The following MAGI1 variants were observed in gnomAD, a reference collection of about 807,000 sequenced individuals.
The protein encoded by MAGI1 is membrane-associated guanylate kinase, WW and PDZ domain-containing protein 1.
MAGI1 carries 58 observed loss-of-function variants against 139.9 expected under a neutral mutation model. That is an observed-to-expected ratio of 0.41 (90% CI 0.34 to 0.52). The LOEUF is 0.52. MAGI1 is among the 20% of genes least tolerant of loss of function. MAGI1 has a pLI of 0.12. For synonymous variants in MAGI1, 812 were observed against 737.9 expected, an observed-to-expected ratio of 1.10 and a Z score of -1.63; for missense variants, 1,874 against 1,901.6, an observed-to-expected ratio of 0.99 and a Z score of 0.27.
chr3:65,945,457 T>G (rs565799496), intron 1 of MAGI1, among the ~76,000 whole-genome samples: 2 of 152,174 alleles, frequency 1.3e-5, no homozygotes, highest in East Asian at 1.9e-4. Flanking sequence ...AAACTAAGTA[T>G]AGCCTGAGAA....
chr3:65,852,652 C>A (rs969051998), intron 1 of MAGI1, among the ~76,000 whole-genome samples: 2 of 151,846 alleles, frequency 1.3e-5, no homozygotes, highest in African/African-American at 4.8e-5. Flanking sequence ...TGCAGCCATG[C>A]ACCACCACGC....
At chr3:65,458,908 T>G (rs1949587331) in intron 5 of MAGI1, among the ~76,000 whole-genome samples, 1 of 152,192 alleles carries the variant, frequency 6.6e-6, no homozygotes, top group African/African-American at 2.4e-5. Flanking sequence ...TTCCTCAATG[T>G]TTTGTTTCGG....
chr3:65,429,763 T>G lies in MAGI1; in HGVS notation c.1924A>C (p.Ile642Leu). The part of the protein sequence containing the change: ...ASSIATQPEL[I>L]TVHIVKGPMG... ...GGCCCTTTGACAATATGAACAGTTA[T>G]GAGTTCTGGCTGAGTGGCTATGGAG... Residue 642 changes from isoleucine to leucine, a missense_variant, in exon 12 of 23, where the codon ATA (isoleucine) becomes CTA (leucine). This residue lies in a region of MAGI1 where 482 missense variants were observed against 509.6 expected (regional missense o/e 0.95). Transcript: ENST00000402939. The G allele has an allele frequency of 1.2e-6, 2 of 1,614,006 alleles. No homozygotes were observed. The highest frequency in any genetic ancestry group is 8.5e-7 in the Non-Finnish European group (1 of 1,179,962).
At chr3:65,557,482 C>T (rs536246349) in intron 2 of MAGI1, among the ~76,000 whole-genome samples, 1 of 152,266 alleles carries the variant, frequency 6.6e-6, no homozygotes, top group South Asian at 2.1e-4. Flanking sequence ...CCCAGCTATA[C>T]CACCCCTGGA....
At position 65,610,752 on chromosome 3, in the gene MAGI1, A is replaced by ACT. The variant is rs201546372; in HGVS notation, c.430+11219_430+11220insAG. Among the ~76,000 whole-genome samples the ACT allele has an allele frequency of 7.7e-3, 944 of 123,264 alleles. 47 individuals are homozygous for ACT. The highest frequency in any genetic ancestry group is 0.013 in the Admixed American group (154 of 11,872). The allele number at this position is 123,264 out of a possible 152,430, so 80.9% of individuals were successfully genotyped here. ...CAAATATAGTATATAGTATATATAC[A>ACT]GTATATATATAGCATATATATATAC... On this transcript the variant is annotated intron_variant, in intron 2 of 22. Transcript: ENST00000402939.
chr3:65,504,448 T>C (rs1367494094), intron 2 of MAGI1, among the ~76,000 whole-genome samples: 2 of 152,188 alleles, frequency 1.3e-5, no homozygotes, highest in African/African-American at 4.8e-5. Flanking sequence ...ATGCACACAT[T>C]ATGTGACTTG....
intron 12 of MAGI1, among the ~76,000 whole-genome samples, chr3:65,405,260 G>A (rs1454456755): frequency 6.6e-6 from 1 of 152,166 alleles, no homozygotes; most frequent in East Asian, 1.9e-4. Context: ...GCTAGTGACT[G>A]GGACCTGACC....
chr3:65,682,673 T>C (rs1349258301), intron 1 of MAGI1, among the ~76,000 whole-genome samples: 1 of 152,106 alleles, frequency 6.6e-6, no homozygotes, highest in African/African-American at 2.4e-5. Context: ...ATCTTTAGGA[T>C]ATAGGGCCAG....
intron 1 of MAGI1, among the ~76,000 whole-genome samples, chr3:65,645,538 G>A (rs2085211853): frequency 6.6e-6 from 1 of 152,112 alleles, no homozygotes; most frequent in Non-Finnish European, 1.5e-5. Flanking sequence ...CTAAAAAGAT[G>A]ACTAGAGAAG....
At chr3:65,673,073 C>T (rs1480030645) in intron 1 of MAGI1, among the ~76,000 whole-genome samples, 1 of 152,048 alleles carries the variant, frequency 6.6e-6, no homozygotes, top group Non-Finnish European at 1.5e-5. Context: ...CGCCATCTGT[C>T]GGTGGTACAC....
chr3:65,911,303 G>T (rs1163663476), intron 1 of MAGI1, among the ~76,000 whole-genome samples: 6 of 151,804 alleles, frequency 4.0e-5, no homozygotes, highest in Admixed American at 2.6e-4. Context: ...TTTGTCCATG[G>T]AATTTGAATC....
chr3:65,793,747 C>G (rs1390377264), intron 1 of MAGI1, among the ~76,000 whole-genome samples: 1 of 152,190 alleles, frequency 6.6e-6, no homozygotes, highest in Non-Finnish European at 1.5e-5. Flanking sequence ...CCACTAGTCT[C>G]TCCTTTCAGT....
chr3:65,676,127 T>C (rs1199560286), intron 1 of MAGI1, among the ~76,000 whole-genome samples: 3 of 152,180 alleles, frequency 2.0e-5, no homozygotes, highest in South Asian at 2.1e-4. Context: ...TAACAGTAAA[T>C]TTTGGAAAAA....
At chr3:65,963,646 A>G (rs540088382) in intron 1 of MAGI1, among the ~76,000 whole-genome samples, 29 of 152,034 alleles carry the variant, frequency 1.9e-4, no homozygotes, top group African/African-American at 6.5e-4. Context: ...AATAATGACA[A>G]TGTAATGTAG....
At chr3:65,792,690 G>A (rs989405717) in intron 1 of MAGI1, among the ~76,000 whole-genome samples, 2 of 152,078 alleles carry the variant, frequency 1.3e-5, no homozygotes, top group Non-Finnish European at 2.9e-5. Flanking sequence ...GCATGGGTCC[G>A]ATGGACAATG....
intron 3 of MAGI1, among the ~76,000 whole-genome samples, chr3:65,489,930 A>C (rs1208854292): frequency 2.6e-5 from 4 of 152,212 alleles, no homozygotes; most frequent in Non-Finnish European, 4.4e-5. Context: ...CTTCCTTTAA[A>C]GAGTGCTTTG....
At chr3:65,972,575 C>T (rs1297413491) in intron 1 of MAGI1, among the ~76,000 whole-genome samples, 1 of 152,122 alleles carries the variant, frequency 6.6e-6, no homozygotes, top group Admixed American at 6.6e-5. Context: ...CTTTTATTTG[C>T]AGTTTCTATT....
intron 18 of MAGI1, among the ~76,000 whole-genome samples, chr3:65,366,918 C>T (rs1338546303): frequency 6.6e-6 from 1 of 152,206 alleles, no homozygotes; most frequent in Non-Finnish European, 1.5e-5. Flanking sequence ...CTTCATATGA[C>T]TCCCATTTGA....
At chr3:65,792,125 A>G (rs1221397021) in intron 1 of MAGI1, among the ~76,000 whole-genome samples, 1 of 152,236 alleles carries the variant, frequency 6.6e-6, no homozygotes, top group Non-Finnish European at 1.5e-5. Context: ...TAATATAGCT[A>G]TTAATAAAAT....
Sources: gnomAD v4.1 joint callset for allele counts (sites outside exome capture counted in the v4.1 genomes callset) on GRCh38, gnomAD v4.1.1 for gene constraint, gnomAD v4.1.1 regional missense constraint, MANE v1.5 for transcripts, NCBI Gene and HGNC (gene_info 2026-07-23, HGNC 2026-07-21) for gene names.